Variants in GLYATL1B observed in about 807,000 individuals in gnomAD.
GLYATL1B encodes glycine-N-acyltransferase like 1B.
A neutral mutation model predicts 5.5 loss-of-function variants in GLYATL1B; 6 were observed. The observed-to-expected ratio is 1.09, with a 90% CI of 0.60 to 2.15. The LOEUF (loss-of-function observed/expected upper bound fraction) is 2.15. GLYATL1B is among the 30% of genes most tolerant of loss of function. The probability of loss-of-function intolerance (pLI) is 0.00; values close to 1 mark genes in which losing one functional copy is unlikely to be tolerated. For synonymous variants in GLYATL1B, 67 were observed against 34.9 expected (o/e 1.92, Z -3.24); for missense variants, 135 against 94.1 (o/e 1.43, Z -1.80).
chr11:59,094,154 G>A, intron 4 of GLYATL1B, 43 bp downstream of exon 4: 1 of 539,250 alleles, frequency 1.9e-6, no homozygotes. Context: ...GCTATTCCTT[G>A]TACATTTTTG....
At chr11:59,093,000 G>GC (rs2135383470) in intron 2 of GLYATL1B, among the ~76,000 whole-genome samples, 1 of 152,290 alleles carries the variant, frequency 6.6e-6, no homozygotes, top group South Asian at 2.1e-4. Flanking sequence ...TTCATCTTGT[G>GC]CCGAGCTTAA....
intron 2 of GLYATL1B, 53 bp from the exon 3 acceptor site, chr11:59,093,476 G>C (rs1470974132): frequency 4.2e-6 from 2 of 471,948 alleles, no homozygotes; most frequent in Admixed American, 3.2e-5. Context: ...CAATCAGTGA[G>C]AGGAGAAGAA....
intron 2 of GLYATL1B, among the ~76,000 whole-genome samples, chr11:59,093,243 G>T (rs190684785): frequency 1.0e-3 from 156 of 152,298 alleles, no homozygotes; most frequent in South Asian, 5.4e-3. Context: ...GCATCTTAAG[G>T]CCTGGTGGAG....
rs1374679271 is a variant in GLYATL1B, at chr11:59,094,670, TC to T, written c.794del (p.Ser265LeufsTer16). ...TCAGAAGAATATTCCATTTTACGGC[TC>T]TGTGCTGGAAGAAAATCAAGGCGTC... Reference protein sequence around the residue: ...LCQKNIPFYGSVLEENQGVIR... With the variant: ...LCQKNIPFYGXVLEENQGVIR... On this transcript the variant is annotated frameshift_variant, in exon 5 of 5. Transcript: ENST00000527482. LOFTEE classifies it low-confidence loss of function (END_TRUNC). 2 of 434,900 alleles carry T rather than the reference TC, an allele frequency of 4.6e-6. No individual in the cohort carries two copies. The highest frequency in any genetic ancestry group is 4.0e-5 in the African/African-American group (2 of 49,682). 26.9% of individuals were successfully genotyped at this position (434,900 alleles called of 1,614,324 possible).
At chr11:59,088,796 G>A (rs1859246785) in intron 2 of GLYATL1B, among the ~76,000 whole-genome samples, 2 of 152,120 alleles carry the variant, frequency 1.3e-5, no homozygotes, top group Non-Finnish European at 2.9e-5. Context: ...GAAATATGCT[G>A]CAATTTACTT....
In GLYATL1B at chr11:59,093,819, T is replaced by C. The variant is rs557592253; in HGVS notation, c.314-115T>C. The C allele has an allele frequency of 2.3e-5, 11 of 470,022 alleles. No individual in the cohort carries two copies. The East Asian group carries it at 3.1e-4, about 13-fold the overall frequency. 29.1% of individuals were successfully genotyped at this position (470,022 alleles called of 1,614,324 possible). On this transcript the variant is annotated intron_variant, in intron 3 of 4. Transcript: ENST00000527482. ...GTGGTGTGCCAAGGACTATAGCTGA[T>C]TGTGGTGTAAACTCAACTTTGAGAA... is the stretch of plus-strand genomic sequence containing the variant.
At chr11:59,090,659 C>T (rs909645229) in intron 2 of GLYATL1B, among the ~76,000 whole-genome samples, 3 of 151,578 alleles carry the variant, frequency 2.0e-5, no homozygotes, top group African/African-American at 7.3e-5. Context: ...TCTTTGTTTG[C>T]CTGGGGTGTT....
intron 3 of GLYATL1B, 22 bp downstream of exon 3, chr11:59,093,677 G>A: frequency 2.1e-6 from 1 of 482,210 alleles, no homozygotes; most frequent in Non-Finnish European, 3.6e-6. Flanking sequence ...GAAGAAATGG[G>A]CAAGCAGCTG....
chr11:59,087,078 G>A lies in GLYATL1B; in HGVS notation c.93G>A (p.Leu31=), dbSNP rs954403630. Residue 31 remains leucine (L), a synonymous_variant, in exon 2 of 5, where the codon CTG becomes CTA. Coordinates refer to ENST00000527482, the MANE Select transcript of GLYATL1B (RefSeq NM_001355566.1). ...IPESLKVYGS[L]FHINHGNPFN... is the part of the protein sequence containing the mutation. ...CCCTCCTTCAGGTGTATGGCTCTCTGTTTCACATCAATCACGGGAACCCCT... is the reference window on the plus strand; with the variant it reads ...CCCTCCTTCAGGTGTATGGCTCTCTATTTCACATCAATCACGGGAACCCCT... 7.8e-5 allele frequency: 53 copies of A among 675,230 alleles called. No individual in the cohort carries two copies. The highest frequency in any genetic ancestry group is 5.0e-4 in the Middle Eastern group (2 of 4,010). The allele number at this position is 675,230 out of a possible 1,614,324, so 41.8% of individuals were successfully genotyped here.
Position 59,094,412 on chromosome 11 carries a change from T to C in GLYATL1B, c.535T>C (p.Ser179Pro). The change falls in exon 5 of 5, where the codon TCT becomes CCT. Residue 179 changes from serine to proline, a missense_variant. By Grantham distance (74) the Ser-to-Pro change is moderately conservative. Transcript: ENST00000527482. The stretch of plus-strand genomic sequence containing the variant: ...GTATGCCCAGCTGAATGTGTCTTAT[T>C]CTGGGCTGGTAAATGACAACTGGAA... The part of the protein sequence containing the change: ...FKYAQLNVSY[S>P]GLVNDNWKLG... 1 of 650,874 alleles carries C rather than the reference T, an allele frequency of 1.5e-6. No individual in the cohort carries two copies. Among genetic ancestry groups the C allele is most frequent in the Non-Finnish European group, 2.8e-6 (1 of 359,164 alleles). 40.3% of individuals were successfully genotyped at this position (650,874 alleles called of 1,614,324 possible). A position where few individuals can be genotyped will look rare whatever the true frequency, so the allele number is the denominator to read the frequency against.
intron 2 of GLYATL1B, 56 bp downstream of exon 2, chr11:59,087,227 C>A (rs10896913): frequency 0.17 from 82,403 of 481,408 alleles, 7,237 homozygotes; most frequent in African/African-American, 0.22. Context: ...GCCTGAGGAA[C>A]TGTCCAATTC....
At chr11:59,087,371 G>A (rs559999373) in intron 2 of GLYATL1B, among the ~76,000 whole-genome samples, 200 bp downstream of exon 2, 61 of 152,098 alleles carry the variant, frequency 4.0e-4, no homozygotes, top group African/African-American at 1.4e-3. Context: ...TAGGGAAAGG[G>A]GGTCAAGGGG....
At chr11:59,087,757 G>A (rs1859220350) in intron 2 of GLYATL1B, among the ~76,000 whole-genome samples, 1 of 152,118 alleles carries the variant, frequency 6.6e-6, no homozygotes, top group South Asian at 2.1e-4. Context: ...GGAGGTGGGA[G>A]GATGGCTTGA....
At chr11:59,089,340 C>T (rs927963801) in intron 2 of GLYATL1B, among the ~76,000 whole-genome samples, 3 of 152,168 alleles carry the variant, frequency 2.0e-5, no homozygotes, top group Non-Finnish European at 4.4e-5. Flanking sequence ...TCTTTACATC[C>T]TGGAAACTTT....
At chr11:59,091,710 G>C (rs1047879046) in intron 2 of GLYATL1B, among the ~76,000 whole-genome samples, 6 of 152,094 alleles carry the variant, frequency 3.9e-5, no homozygotes, top group East Asian at 3.8e-4. Flanking sequence ...GCCATTACTA[G>C]GTAAATACCC....
At chr11:59,089,818 T>C (rs1859270591) in intron 2 of GLYATL1B, among the ~76,000 whole-genome samples, 1 of 152,176 alleles carries the variant, frequency 6.6e-6, no homozygotes, top group African/African-American at 2.4e-5. Flanking sequence ...ATTTTTAATT[T>C]TCATGTAATC....
At chr11:59,086,980 C>T (rs1209048670) in intron 1 of GLYATL1B, 84 bp from the exon 2 acceptor site, 59 of 482,788 alleles carry the variant, frequency 1.2e-4, no homozygotes, top group Non-Finnish European at 1.8e-4. Flanking sequence ...GTCTCTTGAT[C>T]TCCATTTTTC....
intron 2 of GLYATL1B, among the ~76,000 whole-genome samples, chr11:59,092,689 A>T (rs1414055508): frequency 6.6e-6 from 1 of 152,216 alleles, no homozygotes; most frequent in African/African-American, 2.4e-5. Flanking sequence ...GTGGCTTGTG[A>T]GAATGAGATC....
Position 59,086,356 on chromosome 11 carries a change from T to C in GLYATL1B, c.50T>C (p.Leu17Ser). 1 of 399,038 alleles carries C rather than the reference T, an allele frequency of 2.5e-6. No homozygotes were observed. Among genetic ancestry groups the C allele is most frequent in the Non-Finnish European group, 4.4e-6 (1 of 225,852 alleles). 24.7% of individuals were successfully genotyped at this position (399,038 alleles called of 1,614,324 possible). The change falls in exon 1 of 5, where the codon TTA becomes TCA. Residue 17 changes from leucine (L) to serine (S), a missense_variant. Transcript: ENST00000527482. The part of the protein sequence containing the change: ...SERLLALFKS[L>S]ARSIPESLKV... ...CGGCTGCTGGCCCTATTCAAATCTT[T>C]AGCAAGGAGCATTCCTGAGTCCCTG...
Sources: allele counts gnomAD v4.1 joint callset (sites outside exome capture counted in the v4.1 genomes callset), GRCh38; gene constraint gnomAD v4.1.1; transcripts MANE v1.5; gene names NCBI Gene and HGNC (gene_info 2026-07-23, HGNC 2026-07-21).